The following TLK2 variants were observed in gnomAD, a reference collection of about 807,000 sequenced individuals.
TLK2 encodes the protein tousled like kinase 2.
Under a neutral mutation model 117.3 loss-of-function variants are expected in TLK2, and 6 were observed. The observed-to-expected ratio is 0.05, with a 90% CI of 0.03 to 0.10. The LOEUF (loss-of-function observed/expected upper bound fraction) is 0.10. TLK2 is among the 10% of genes least tolerant of loss of function. The probability of loss-of-function intolerance (pLI) is 1.00; values close to 1 mark genes in which losing one functional copy is unlikely to be tolerated. For synonymous variants in TLK2, 257 were observed against 316.7 expected (o/e 0.81, Z 2.00); for missense variants, 299 against 901.2 (o/e 0.33, Z 8.56).
At chr17:62,526,171 C>G (rs1214074996) in intron 6 of TLK2, among the ~76,000 whole-genome samples, 3 of 152,160 alleles carry the variant, frequency 2.0e-5, no homozygotes, top group Admixed American at 1.3e-4. Context: ...GAAACCAAAG[C>G]TTAATCCTCC....
At chr17:62,474,232 C>T (rs1283791829), upstream of TLK2, among the ~76,000 whole-genome samples, 2 of 151,374 alleles carry the variant, frequency 1.3e-5, no homozygotes, top group African/African-American at 4.9e-5. Flanking sequence ...ACACACGCTG[C>T]CTTGCCCGGC....
At chr17:62,499,038 ATTT>A (rs1316013701) in intron 2 of TLK2, among the ~76,000 whole-genome samples, 1 of 151,562 alleles carries the variant, frequency 6.6e-6, no homozygotes, top group Non-Finnish European at 1.5e-5. Context: ...TAATTTTTGT[ATTT>A]TTTGTAAAGA....
intron 6 of TLK2, among the ~76,000 whole-genome samples, chr17:62,526,379 ATTC>A (rs1252535942): frequency 6.6e-6 from 1 of 152,114 alleles, no homozygotes; most frequent in African/African-American, 2.4e-5. Context: ...ACCTCCAGCA[ATTC>A]TTCTGCTAAC....
intron 19 of TLK2, 166 bp from the exon 20 acceptor site, chr17:62,605,964 G>C (rs534083200): frequency 2.0e-5 from 6 of 295,772 alleles, no homozygotes; most frequent in Non-Finnish European, 2.9e-5. Flanking sequence ...CCATGATCAC[G>C]CCACTGTACT....
rs879469406 is a variant in TLK2, at chr17:62,612,303, G to GAA, written c.2080-89_2080-88insAA. On this transcript the variant is annotated intron_variant, in intron 21 of 21. Transcript: ENST00000346027. ...CTTCTCTTTAGTTGATATTTGCTCT[G>GAA]GGCCCTGGCAGCCGATAGAGAGCCT... The GAA allele has an allele frequency of 1.8e-3, 2,490 of 1,416,266 alleles. 2 individuals carry two copies. Among genetic ancestry groups the GAA allele is most frequent in the Non-Finnish European group, 2.2e-3 (2,251 of 1,041,732 alleles). The allele number at this position is 1,416,266 out of a possible 1,614,324, so 87.7% of individuals were successfully genotyped here.
chr17:62,505,407 A>ATTTTTTTTTTTTTTTTTTTTTTTTTT (rs544900638), intron 2 of TLK2, among the ~76,000 whole-genome samples: 1 of 53,768 alleles, frequency 1.9e-5, no homozygotes, highest in Non-Finnish European at 2.9e-5. Context: ...CCATACCCAG[A>ATTTTTTTTTTTTTTTTTTTTTTTTTT]TTTTTTTTTT....
chr17:62,599,551 C>T (rs575046194), intron 17 of TLK2, among the ~76,000 whole-genome samples: 1 of 152,276 alleles, frequency 6.6e-6, no homozygotes, highest in Admixed American at 6.5e-5. Flanking sequence ...CACCTCCTCT[C>T]CCTCCCCGCA....
intron 9 of TLK2, among the ~76,000 whole-genome samples, chr17:62,559,783 A>G (rs1045979211): frequency 1.4e-4 from 22 of 152,350 alleles, no homozygotes; most frequent in Non-Finnish European, 2.8e-4. Flanking sequence ...GTAGAAAAAC[A>G]TGCCCAAATT....
At chr17:62,608,525 G>T (rs971204657) in intron 21 of TLK2, among the ~76,000 whole-genome samples, 3 of 152,200 alleles carry the variant, frequency 2.0e-5, no homozygotes, top group African/African-American at 7.2e-5. Context: ...CCATGTAGGA[G>T]AAATTATATA....
chr17:62,603,953 T>A (rs1425556016), intron 19 of TLK2, among the ~76,000 whole-genome samples: 1 of 151,434 alleles, frequency 6.6e-6, no homozygotes, highest in African/African-American at 2.4e-5. Flanking sequence ...GGTTACAGAA[T>A]TCTTCTACAT....
intron 6 of TLK2, among the ~76,000 whole-genome samples, chr17:62,530,000 C>T (rs1022572314): frequency 8.6e-5 from 13 of 151,972 alleles, no homozygotes; most frequent in Admixed American, 2.6e-4. Flanking sequence ...CTCAGGAGTT[C>T]GAGACCAGCC....
intron 2 of TLK2, among the ~76,000 whole-genome samples, chr17:62,495,442 TCTCA>T (rs1174119460): frequency 2.0e-5 from 3 of 151,360 alleles, no homozygotes; most frequent in Non-Finnish European, 4.4e-5. Flanking sequence ...TTAGATAGGG[TCTCA>T]CTCTGTCACC....
intron 7 of TLK2, 169 bp from the exon 8 acceptor site, chr17:62,552,133 A>G (rs2078513723): frequency 6.7e-6 from 6 of 896,034 alleles, no homozygotes; most frequent in African/African-American, 1.7e-5. Context: ...TTTGTCTCAT[A>G]TTTGAATTGT....
At chr17:62,580,730 G>T (rs2081153415) in intron 15 of TLK2, among the ~76,000 whole-genome samples, 2 of 152,162 alleles carry the variant, frequency 1.3e-5, no homozygotes, top group Admixed American at 6.6e-5. Context: ...CCAAATGAGG[G>T]ATTCAATATG....
chr17:62,481,002 T>C, intron 1 of TLK2, 119 bp from the exon 2 acceptor site: 1 of 917,340 alleles, frequency 1.1e-6, no homozygotes, highest in East Asian at 2.6e-5. Flanking sequence ...CTATATTTAC[T>C]TGAGATTTAC....
chr17:62,608,559 G>A (rs4968658), intron 21 of TLK2, among the ~76,000 whole-genome samples: 3 of 152,280 alleles, frequency 2.0e-5, no homozygotes, highest in African/African-American at 7.2e-5. Flanking sequence ...ATTTGTATTA[G>A]TCTGTTCTCA....
chr17:62,603,291 C>T (rs1357493913), intron 19 of TLK2, among the ~76,000 whole-genome samples: 1 of 152,168 alleles, frequency 6.6e-6, no homozygotes, highest in Non-Finnish European at 1.5e-5. Context: ...TTGCTCCTTA[C>T]TGCTTGTGGA....
intron 2 of TLK2, chr17:62,516,498 C>T (rs2075602868): frequency 6.2e-6 from 10 of 1,606,838 alleles, no homozygotes; most frequent in Non-Finnish European, 8.5e-6. Flanking sequence ...GGGTGGCAGG[C>T]ACAATCTCCG....
chr17:62,573,275 A>G lies in TLK2; in HGVS notation c.1029A>G (p.Ala343=), dbSNP rs775602407. The change falls in exon 12 of 22, where the codon GCA becomes GCG. Residue 343 remains alanine, a synonymous_variant. Coordinates refer to ENST00000346027, the MANE Select transcript of TLK2 (RefSeq NM_006852.6). ...TAGAAAGACAACGGAAAATGTTAGC[A>G]AAGCGGAAACCTCCTGCCATGGGTC... ...EEIERQRKML[A]KRKPPAMGQA... 6.2e-7 allele frequency: 1 copy of G among 1,614,028 alleles called. No individual in the cohort carries two copies. Among genetic ancestry groups the G allele is most frequent in the Admixed American group, 1.7e-5 (1 of 60,010 alleles).
Sources: gnomAD v4.1 joint callset for allele counts (sites outside exome capture counted in the v4.1 genomes callset) on GRCh38, gnomAD v4.1.1 for gene constraint, MANE v1.5 for transcripts, NCBI Gene and HGNC (gene_info 2026-07-23, HGNC 2026-07-21) for gene names.